The following SH3D19 variants were observed in gnomAD, a reference collection of about 807,000 sequenced individuals.
SH3D19 encodes SH3 domain containing 19.
Under a neutral mutation model 112.1 loss-of-function variants are expected in SH3D19, and 58 were observed. That is an observed-to-expected ratio of 0.52 (90% CI 0.42 to 0.64). The LOEUF (loss-of-function observed/expected upper bound fraction) is 0.64. Among genes scored for constraint, SH3D19 ranks in the 30% least tolerant of loss-of-function variants. SH3D19 has a pLI of 0.00. For synonymous variants in SH3D19, 391 were observed against 448.5 expected (o/e 0.87, Z 1.62); for missense variants, 1,090 against 1,263.4 (o/e 0.86, Z 2.08).
At chr4:151,263,710 T>G (rs1772551466) in intron 1 of SH3D19, among the ~76,000 whole-genome samples, 1 of 152,218 alleles carries the variant, frequency 6.6e-6, no homozygotes, top group African/African-American at 2.4e-5. Flanking sequence ...GCTGAAGGAA[T>G]GCCTTTGGCA....
Position 151,144,263 on chromosome 4 carries a change from T to C in SH3D19, c.2083-213A>G, listed in dbSNP as rs374070832. ...GGGGTTTTGAGAGACAATATCTTCATTGGCAATTCCATGAGGCACAGACAG... is the reference window on the plus strand; with the variant it reads ...GGGGTTTTGAGAGACAATATCTTCACTGGCAATTCCATGAGGCACAGACAG... On this transcript the variant is annotated intron_variant, in intron 11 of 19. Transcript: ENST00000604030. 38 of 1,614,132 alleles carry C rather than the reference T, an allele frequency of 2.4e-5. No homozygotes were observed. The highest frequency in any genetic ancestry group is 1.6e-4 in the Middle Eastern group (1 of 6,062).
At chr4:151,203,301 C>G (rs1216921533) in intron 2 of SH3D19, among the ~76,000 whole-genome samples, 1 of 152,218 alleles carries the variant, frequency 6.6e-6, no homozygotes, top group Non-Finnish European at 1.5e-5. Context: ...TACTGGATGA[C>G]TTTCAGCAGC....
intron 1 of SH3D19, among the ~76,000 whole-genome samples, chr4:151,255,155 T>G: frequency 7.0e-6 from 1 of 143,730 alleles, no homozygotes; most frequent in Non-Finnish European, 1.5e-5. Context: ...CCAGACGGGG[T>G]GGCTGCCGGG....
intron 1 of SH3D19, among the ~76,000 whole-genome samples, chr4:151,307,580 GGA>G (rs1729046151): frequency 6.6e-6 from 1 of 152,256 alleles, no homozygotes; most frequent in Non-Finnish European, 1.5e-5. Flanking sequence ...ATCACGTTCA[GGA>G]GTTTGAGGCC....
At chr4:151,165,498 T>C in intron 8 of SH3D19, 91 bp downstream of exon 8, 1 of 1,014,852 alleles carries the variant, frequency 9.9e-7, no homozygotes, top group Non-Finnish European at 1.5e-6. Context: ...TGGCAGATTA[T>C]ACATAATTTC....
chr4:151,127,209 G>C (rs1749599347), intron 19 of SH3D19, among the ~76,000 whole-genome samples: 1 of 152,312 alleles, frequency 6.6e-6, no homozygotes, highest in East Asian at 1.9e-4. Context: ...TATGCTACTA[G>C]TGCAAATTGT....
intron 1 of SH3D19, among the ~76,000 whole-genome samples, chr4:151,258,428 T>C (rs985979524): frequency 3.9e-5 from 6 of 152,216 alleles, no homozygotes; most frequent in Admixed American, 3.3e-4. Context: ...TGGTTCACCT[T>C]TGGTCAGGGG....
chr4:151,319,057 T>C (rs1730284352), intron 1 of SH3D19, among the ~76,000 whole-genome samples: 2 of 152,238 alleles, frequency 1.3e-5, no homozygotes, highest in South Asian at 4.1e-4. Flanking sequence ...ACAGGTCTTT[T>C]ATTTCTTTTT....
At chr4:151,297,834 G>C (rs1025701738) in intron 1 of SH3D19, among the ~76,000 whole-genome samples, 6 of 152,236 alleles carry the variant, frequency 3.9e-5, no homozygotes, top group Non-Finnish European at 8.8e-5. Context: ...AGTATCCTGA[G>C]ATGGGGACAT....
At chr4:151,322,667 C>T (rs142831189) in intron 1 of SH3D19, among the ~76,000 whole-genome samples, 1 of 152,166 alleles carries the variant, frequency 6.6e-6, no homozygotes, top group East Asian at 1.9e-4. Context: ...TAATCAAACC[C>T]AATTTTCTTA....
intron 7 of SH3D19, 73 bp downstream of exon 7, chr4:151,174,597 T>G (rs1759614293): frequency 7.1e-7 from 1 of 1,412,000 alleles, no homozygotes; most frequent in South Asian, 1.6e-5. Flanking sequence ...TACCAGAAAC[T>G]AAAACAGCAA....
At chr4:151,188,071 A>C (rs1220867024) in intron 2 of SH3D19, among the ~76,000 whole-genome samples, 1 of 151,856 alleles carries the variant, frequency 6.6e-6, no homozygotes, top group East Asian at 1.9e-4. Flanking sequence ...ATGGGATGAC[A>C]CGGCAACAAG....
rs573483033 is a variant in SH3D19, at chr4:151,320,931, T to C, written c.112+4310A>G. ...GGCATGCACCTGTAGTCCCATCTAC[T>C]TGGGAGGCTGAGGCAGGAGAAATCA... On this transcript the variant is annotated intron_variant, in intron 1 of 19. Coordinates refer to ENST00000604030, the MANE Select transcript of SH3D19 (RefSeq NM_001378122.1). Among the ~76,000 whole-genome samples the C allele has an allele frequency of 2.0e-5, 3 of 152,180 alleles. No homozygotes were observed. In the South Asian group the frequency reaches 6.2e-4, roughly 32 times the overall value.
chr4:151,157,727 A>G (rs1233828116), intron 9 of SH3D19, among the ~76,000 whole-genome samples: 1 of 152,252 alleles, frequency 6.6e-6, no homozygotes, highest in Non-Finnish European at 1.5e-5. Context: ...AAAATGTGGC[A>G]TGTATACACC....
intron 1 of SH3D19, among the ~76,000 whole-genome samples, chr4:151,281,253 G>A (rs779908269): frequency 4.6e-5 from 7 of 152,178 alleles, no homozygotes; most frequent in Non-Finnish European, 8.8e-5. Flanking sequence ...AATGAGACTG[G>A]TGATGGGTAT....
At chr4:151,255,048 C>G (rs1580336323) in intron 1 of SH3D19, among the ~76,000 whole-genome samples, 1 of 150,136 alleles carries the variant, frequency 6.7e-6, no homozygotes, top group Admixed American at 6.6e-5. Context: ...CCCTCACCTC[C>G]CGGACGGGGC....
chr4:151,225,634 G>C (rs1161809817), intron 2 of SH3D19, among the ~76,000 whole-genome samples: 1 of 152,046 alleles, frequency 6.6e-6, no homozygotes, highest in Non-Finnish European at 1.5e-5. Context: ...GTTTTGTTTT[G>C]TTCTGCTTTT....
intron 18 of SH3D19, 23 bp from the exon 19 acceptor site, chr4:151,127,738 A>C: frequency 6.9e-7 from 1 of 1,439,390 alleles, no homozygotes; most frequent in South Asian, 1.3e-5. Context: ...AAAAAATTTA[A>C]ATATATAGAA....
chr4:151,251,210 T>C (rs1484037665), intron 1 of SH3D19, among the ~76,000 whole-genome samples: 1 of 150,944 alleles, frequency 6.6e-6, no homozygotes, highest in Non-Finnish European at 1.5e-5. Context: ...TTTTTTTTTT[T>C]TTTCCTGAGA....
Sources: gnomAD v4.1 joint callset for allele counts (sites outside exome capture counted in the v4.1 genomes callset) on GRCh38, gnomAD v4.1.1 for gene constraint, MANE v1.5 for transcripts, NCBI Gene and HGNC (gene_info 2026-07-23, HGNC 2026-07-21) for gene names.